Variants in SNCAIP observed in about 807,000 individuals in gnomAD.
SNCAIP encodes synphilin-1.
In SNCAIP, 43 loss-of-function variants were observed where a neutral mutation model predicts 86.7. The ratio of observed to expected loss-of-function variants is 0.50; its 90% CI spans 0.39 to 0.64. The LOEUF is 0.64. SNCAIP is among the 30% of genes least tolerant of loss of function. The pLI, the probability that SNCAIP is intolerant of heterozygous loss-of-function variation, is 0.00. For synonymous variants in SNCAIP, 417 were observed against 427.2 expected (o/e 0.98, Z 0.29); for missense variants, 981 against 1,103.1 (o/e 0.89, Z 1.57).
At chr5:122,316,254 T>C (rs547230459) in intron 1 of SNCAIP, among the ~76,000 whole-genome samples, 4 of 152,280 alleles carry the variant, frequency 2.6e-5, no homozygotes, top group Admixed American at 2.0e-4. Context: ...GAACCACTAC[T>C]CTCAGGATGG....
At chr5:122,414,633 C>T (rs1198502179) in intron 3 of SNCAIP, among the ~76,000 whole-genome samples, 1 of 152,070 alleles carries the variant, frequency 6.6e-6, no homozygotes, top group African/African-American at 2.4e-5. Flanking sequence ...AGAGTGAATC[C>T]AAAATGAGTA....
intron 5 of SNCAIP, among the ~76,000 whole-genome samples, chr5:122,427,003 G>T (rs770673689): frequency 6.6e-6 from 1 of 152,136 alleles, no homozygotes; most frequent in Non-Finnish European, 1.5e-5. Flanking sequence ...TTGGGATATA[G>T]CCCTGTGACA....
At chr5:122,433,196 T>C (rs576499974) in intron 6 of SNCAIP, among the ~76,000 whole-genome samples, 1 of 151,988 alleles carries the variant, frequency 6.6e-6, no homozygotes, top group Admixed American at 6.6e-5. Flanking sequence ...TATATACACA[T>C]GTAAAATGTT....
At chr5:122,434,236 G>A (rs1778957062) in intron 6 of SNCAIP, among the ~76,000 whole-genome samples, 1 of 152,294 alleles carries the variant, frequency 6.6e-6, no homozygotes, top group Non-Finnish European at 1.5e-5. Flanking sequence ...GGAATTTTAA[G>A]TATCAGTGGA....
At chr5:122,314,511 T>A (rs952577773) in intron 1 of SNCAIP, among the ~76,000 whole-genome samples, 14 of 152,350 alleles carry the variant, frequency 9.2e-5, no homozygotes, top group Admixed American at 3.3e-4. Context: ...ATATGTGTCT[T>A]GGGAGAAAAA....
chr5:122,369,415 T>A, intron 1 of SNCAIP, among the ~76,000 whole-genome samples: 1 of 152,210 alleles, frequency 6.6e-6, no homozygotes. Context: ...TGAGGAAACC[T>A]AGATTGCCTC....
At position 122,330,117 on chromosome 5, in the gene SNCAIP, C is replaced by CCTTTTTT. The variant is rs1415466705; in HGVS notation, c.-47+17833_-47+17834insCTTTTTT. 1.0e-3 allele frequency among the ~76,000 whole-genome samples: 100 copies of CCTTTTTT among 96,838 alleles called. 2 individuals are homozygous for CCTTTTTT. Among genetic ancestry groups the CCTTTTTT allele is most frequent in the African/African-American group, 4.0e-3 (94 of 23,268 alleles). The allele number at this position is 96,838 out of a possible 152,430, so 63.5% of individuals were successfully genotyped here. A position where few individuals can be genotyped will look rare whatever the true frequency, so the allele number is the denominator to read the frequency against. ...CTTACCTCCGTGTACAACTTCATTTCTTTTTTTTTTTTTTTTTTTTTTGAG... is the reference window on the plus strand; with the variant it reads ...CTTACCTCCGTGTACAACTTCATTTCCTTTTTTTTTTTTTTTTTTTTTTTTTTTTGAG... On this transcript the variant is annotated intron_variant, in intron 1 of 10. Coordinates refer to ENST00000261368, the MANE Select transcript of SNCAIP (RefSeq NM_005460.4).
At chr5:122,417,774 T>G (rs975061858) in intron 3 of SNCAIP, among the ~76,000 whole-genome samples, 2 of 152,010 alleles carry the variant, frequency 1.3e-5, no homozygotes, top group African/African-American at 4.8e-5. Context: ...ATTGAAAGAT[T>G]AAGTCATTGG....
rs146865966 is a variant in SNCAIP at position 122,430,068 on chromosome 5, T to C, written c.1183-1901T>C. On this transcript the variant is annotated intron_variant, in intron 5 of 10. Coordinates refer to ENST00000261368, the MANE Select transcript of SNCAIP (RefSeq NM_005460.4). Reference sequence around the variant, plus strand: ...ATACCTCAGGAGAATAGAATCTGCATGTGAATAGTTGGGAGTTCCATTATC... The same window carrying C: ...ATACCTCAGGAGAATAGAATCTGCACGTGAATAGTTGGGAGTTCCATTATC... Among the ~76,000 whole-genome samples the C allele has an allele frequency of 3.3e-5, 5 of 152,300 alleles. No homozygotes were observed. The East Asian group carries it at 7.7e-4, about 24-fold the overall frequency.
chr5:122,413,524 A>C (rs1412122525), intron 3 of SNCAIP, among the ~76,000 whole-genome samples: 4 of 151,964 alleles, frequency 2.6e-5, no homozygotes, highest in Non-Finnish European at 4.4e-5. Flanking sequence ...ACATTAAGTA[A>C]TTTTTTTTAT....
intron 8 of SNCAIP, 111 bp from the exon 9 acceptor site, chr5:122,449,734 C>A: frequency 1.2e-6 from 1 of 826,606 alleles, no homozygotes; most frequent in Non-Finnish European, 2.1e-6. Context: ...CATTTTAAGG[C>A]TTTTGTATTT....
At chr5:122,413,188 G>A (rs890656149) in intron 3 of SNCAIP, among the ~76,000 whole-genome samples, 4 of 152,148 alleles carry the variant, frequency 2.6e-5, no homozygotes, top group African/African-American at 9.7e-5. Context: ...CAAACTCTTT[G>A]TTATGGCCAA....
chr5:122,419,796 T>G (rs1430638959), intron 3 of SNCAIP, among the ~76,000 whole-genome samples: 1 of 152,228 alleles, frequency 6.6e-6, no homozygotes, highest in African/African-American at 2.4e-5. Context: ...GGTAAGAAAT[T>G]TATTATTATA....
chr5:122,326,232 AATAGGAGACCAGC>A (rs1753989791), intron 1 of SNCAIP, among the ~76,000 whole-genome samples: 2 of 151,516 alleles, frequency 1.3e-5, no homozygotes, highest in Non-Finnish European at 2.9e-5. Flanking sequence ...AGCAACACTG[AATAGGAGACCAGC>A]ATTCTAATGC....
intron 7 of SNCAIP, 198 bp downstream of exon 7, chr5:122,440,952 T>C (rs910043301): frequency 1.7e-6 from 1 of 586,546 alleles, no homozygotes; most frequent in African/African-American, 1.9e-5. Flanking sequence ...TAAGAGTTTC[T>C]CTTTCAGTGT....
intron 1 of SNCAIP, among the ~76,000 whole-genome samples, chr5:122,331,286 C>A (rs1303120859): frequency 6.6e-6 from 1 of 152,158 alleles, no homozygotes; most frequent in Non-Finnish European, 1.5e-5. Flanking sequence ...CGTGAAATCT[C>A]AAGTTCATTG....
intron 6 of SNCAIP, chr5:122,436,564 A>G (rs1293486820): frequency 6.6e-6 from 1 of 152,220 alleles, no homozygotes; most frequent in Admixed American, 6.5e-5. Flanking sequence ...CTTACAATAC[A>G]TGAAATTATA....
chr5:122,404,297 G>A (rs756068134), intron 3 of SNCAIP, among the ~76,000 whole-genome samples: 2 of 152,170 alleles, frequency 1.3e-5, no homozygotes, highest in African/African-American at 2.4e-5. Context: ...TATCAGAGAT[G>A]CGACATGATA....
chr5:122,451,435 C>A lies in SNCAIP; in HGVS notation c.2588C>A (p.Ala863Asp). Residue 863 changes from alanine (A) to aspartate (D), a missense_variant, in exon 10 of 11, where the codon GCC (alanine) becomes GAC (aspartate). Physicochemically the swap from Ala to Asp is moderately radical, Grantham distance 126. Transcript: ENST00000261368. ...SGDQLKRPFG[A>D]FRSIMETLSG... The stretch of plus-strand genomic sequence containing the variant: ...GATCAACTGAAAAGGCCTTTTGGAG[C>A]CTTTCGATCTATCATGGAGACACTA... The A allele has an allele frequency of 1.2e-6, 2 of 1,613,980 alleles. No individual in the cohort carries two copies. Among genetic ancestry groups the A allele is most frequent in the East Asian group, 2.2e-5 (1 of 44,886 alleles).
Sources: gnomAD v4.1 joint callset for allele counts (sites outside exome capture counted in the v4.1 genomes callset) on GRCh38, gnomAD v4.1.1 for gene constraint, MANE v1.5 for transcripts, NCBI Gene and HGNC (gene_info 2026-07-23, HGNC 2026-07-21) for gene names.